Variants in ZDHHC4 observed in about 807,000 individuals in gnomAD.
ZDHHC4 encodes zDHHC palmitoyltransferase 4.
ZDHHC4 carries 42 observed loss-of-function variants against 36.7 expected under a neutral mutation model. The ratio of observed to expected loss-of-function variants is 1.14; its 90% CI spans 0.89 to 1.48. The LOEUF (loss-of-function observed/expected upper bound fraction) is 1.48. Among genes scored for constraint, ZDHHC4 ranks in the 40% most tolerant of loss-of-function variants. ZDHHC4 has a pLI of 0.00. For synonymous variants in ZDHHC4, 189 were observed against 166.6 expected (o/e 1.13, Z -1.03); for missense variants, 457 against 421.5 (o/e 1.08, Z -0.74).
rs1460689212 is a variant in ZDHHC4 at position 6,589,217 on chromosome 7, G to T, written c.*307G>T. The T allele has an allele frequency of 1.6e-5, 6 of 364,192 alleles. No individual in the cohort carries two copies. Among genetic ancestry groups the T allele is most frequent in the Non-Finnish European group, 3.1e-5 (6 of 191,950 alleles). The allele number at this position is 364,192 out of a possible 1,614,324, so 22.6% of individuals were successfully genotyped here. A position where few individuals can be genotyped will look rare whatever the true frequency, so the allele number is the denominator to read the frequency against. ...GTGGACAGGAGGGGCTTGCGGCCGT[G>T]TCTCTGACCTGTGTGATGTGCAGGA... On this transcript the variant is annotated 3_prime_UTR_variant, in exon 8 of 8. Coordinates refer to ENST00000335965, the MANE Select transcript of ZDHHC4 (RefSeq NM_001134389.2).
At chr7:6,584,160 T>C (rs1312524902) in intron 6 of ZDHHC4, 2 of 152,210 alleles carry the variant, frequency 1.3e-5, no homozygotes, top group Non-Finnish European at 2.9e-5. Context: ...ATGTAAAATA[T>C]CATTTTAACA....
intron 2 of ZDHHC4, among the ~76,000 whole-genome samples, chr7:6,579,860 G>C (rs996796886): frequency 6.6e-6 from 1 of 152,126 alleles, no homozygotes; most frequent in African/African-American, 2.4e-5. Context: ...TCTTGGGCAG[G>C]TGCAGTGGCT....
Position 6,583,354 on chromosome 7 carries a change from T to A in ZDHHC4, c.419T>A (p.Phe140Tyr). The A allele has an allele frequency of 6.2e-7, 1 of 1,613,778 alleles. No homozygotes were observed. The highest frequency in any genetic ancestry group is 8.5e-7 in the Non-Finnish European group (1 of 1,179,854). The change falls in exon 6 of 8, where the codon TTT (phenylalanine) becomes TAT (tyrosine). Residue 140 changes from phenylalanine (F) to tyrosine (Y), a missense_variant. Physicochemically the swap from Phe to Tyr is conservative, Grantham distance 22. Coordinates refer to ENST00000335965, the MANE Select transcript of ZDHHC4 (RefSeq NM_001134389.2). ...TTATTATTTCTTCATGTTTATGAATTTGATGAAGTGATGTTTCCAAAGAAC... is the reference window on the plus strand; with the variant it reads ...TTATTATTTCTTCATGTTTATGAATATGATGAAGTGATGTTTCCAAAGAAC... ...NELLFLHVYE[F>Y]DEVMFPKNVR... is the part of the protein sequence containing the mutation.
Position 6,588,598 on chromosome 7 carries a change from A to C in ZDHHC4, c.742-19A>C. 1 of 1,612,172 alleles carries C rather than the reference A, an allele frequency of 6.2e-7. No individual in the cohort carries two copies. The highest frequency in any genetic ancestry group is 8.5e-7 in the Non-Finnish European group (1 of 1,178,878). ...TCACAGTCCAGCTGCCTAAAGCACT[A>C]CCTTTTCTCTGCTCCTAGTACCTGT... On this transcript the variant is annotated intron_variant, in intron 7 of 7. Coordinates refer to ENST00000335965, the MANE Select transcript of ZDHHC4 (RefSeq NM_001134389.2).
At position 6,581,645 on chromosome 7, in the gene ZDHHC4, C is replaced by T. The variant is rs1311411391; in HGVS notation, c.156C>T (p.Ala52=). The T allele has an allele frequency of 1.2e-6, 2 of 1,611,790 alleles. No individual in the cohort carries two copies. The highest frequency in any genetic ancestry group is 1.7e-6 in the Non-Finnish European group (2 of 1,178,194). The part of the protein sequence containing the change: ...SCIIPECLQR[A]VHGLLHYLFH... ...TAATTCCAGAATGTCTTCAGAGAGC[C>T]GTGCATGGATTGCTTCATTACCTTT... Residue 52 remains alanine (A), a synonymous_variant, in exon 4 of 8, where the codon GCC becomes GCT. Transcript: ENST00000335965.
chr7:6,587,282 G>T (rs1181837630), intron 7 of ZDHHC4, among the ~76,000 whole-genome samples: 16 of 151,942 alleles, frequency 1.1e-4, no homozygotes, highest in Non-Finnish European at 1.5e-5. Flanking sequence ...TTTGTTTGTG[G>T]ATCTTTTGGA....
intron 6 of ZDHHC4, chr7:6,584,763 C>T (rs892796629): frequency 6.5e-5 from 33 of 506,330 alleles, no homozygotes; most frequent in Non-Finnish European, 1.1e-4. Context: ...CTCTGAGTAG[C>T]TGGGACCATG....
At chr7:6,577,995 A>G (rs1218497022) in intron 1 of ZDHHC4, among the ~76,000 whole-genome samples, 1 of 151,964 alleles carries the variant, frequency 6.6e-6, no homozygotes, top group Admixed American at 6.6e-5. Context: ...ACGCCCAGCT[A>G]ATTTTTTTTG....
chr7:6,589,130 G>A lies in ZDHHC4; in HGVS notation c.*220G>A, dbSNP rs916506565. 2.0e-5 allele frequency: 11 copies of A among 563,264 alleles called. No homozygotes were observed. The highest frequency in any genetic ancestry group is 6.2e-5 in the Admixed American group (2 of 32,144). The allele number at this position is 563,264 out of a possible 1,614,324, so 34.9% of individuals were successfully genotyped here. ...GAAGTCCTGGTGTCAAGGGGATCAA[G>A]AGATGACTTCTCAGAGGTTCTAGGT... On this transcript the variant is annotated 3_prime_UTR_variant, in exon 8 of 8. Coordinates refer to ENST00000335965, the MANE Select transcript of ZDHHC4 (RefSeq NM_001134389.2).
At chr7:6,578,875 T>A (rs1359758702) in intron 2 of ZDHHC4, 155 bp downstream of exon 2, 1 of 152,224 alleles carries the variant, frequency 6.6e-6, no homozygotes, top group Non-Finnish European at 1.5e-5. Context: ...TTCCGGTATC[T>A]TTTTTGGTTT....
At chr7:6,580,915 C>T (rs1394460560) in intron 3 of ZDHHC4, 1 of 503,882 alleles carries the variant, frequency 2.0e-6, no homozygotes, top group African/African-American at 1.9e-5. Flanking sequence ...GACCCTGTCT[C>T]AACAACAACA....
chr7:6,583,473 A>G, intron 6 of ZDHHC4, 42 bp downstream of exon 6: 1 of 1,582,394 alleles, frequency 6.3e-7, no homozygotes, highest in Non-Finnish European at 8.6e-7. Flanking sequence ...CTCCAACAGC[A>G]CATGTGTGGG....
At chr7:6,583,177 CAAA>C (rs368971592) in intron 5 of ZDHHC4, 126 bp from the exon 6 acceptor site, 128 of 865,858 alleles carry the variant, frequency 1.5e-4, no homozygotes, top group Admixed American at 2.1e-4. Flanking sequence ...AAGACTGTCT[CAAA>C]AAAAAAAAAA....
At position 6,588,834 on chromosome 7, in the gene ZDHHC4, C is replaced by T. The variant is rs1454520409; in HGVS notation, c.959C>T (p.Ser320Phe). The change falls in exon 8 of 8, where the codon TCC becomes TTC. Residue 320 changes from serine to phenylalanine, a missense_variant. Coordinates refer to ENST00000335965, the MANE Select transcript of ZDHHC4 (RefSeq NM_001134389.2). Reference protein sequence around the residue: ...AEPQVHRNIHSHGLRSNLQEI... With the variant: ...AEPQVHRNIHFHGLRSNLQEI... ...CCCCAAGTCCACCGGAACATTCACT[C>T]CCATGGGCTTCGGAGCAACCTTCAA... 5 of 1,614,182 alleles carry T rather than the reference C, an allele frequency of 3.1e-6. No homozygotes were observed. The Admixed American group carries it at 6.7e-5, about 22-fold the overall frequency.
rs1781490248 is a variant in ZDHHC4 at position 6,589,184 on chromosome 7, CT to C, written c.*275del. ...GCTGAGACCTTGGTGTCTCTAAACT[CT>C]GGGCATGTGGACAGGAGGGGCTTGC... On this transcript the variant is annotated 3_prime_UTR_variant, in exon 8 of 8. Transcript: ENST00000335965. 1 of 436,866 alleles carries C rather than the reference CT, an allele frequency of 2.3e-6. No individual in the cohort carries two copies. 27.1% of individuals were successfully genotyped at this position (436,866 alleles called of 1,614,324 possible).
intron 2 of ZDHHC4, among the ~76,000 whole-genome samples, chr7:6,579,112 C>T (rs1780653376): frequency 6.6e-6 from 1 of 151,710 alleles, no homozygotes; most frequent in African/African-American, 2.4e-5. Flanking sequence ...GCACGAGCCA[C>T]TACGGCCGGC....
rs1036673198 is a variant in ZDHHC4, at chr7:6,580,891, G to A, written c.117+213G>A. The A allele has an allele frequency of 8.2e-5, 46 of 561,780 alleles. No individual in the cohort carries two copies. The East Asian group carries it at 1.3e-3, about 16-fold the overall frequency. The allele number at this position is 561,780 out of a possible 1,614,324, so 34.8% of individuals were successfully genotyped here. On this transcript the variant is annotated intron_variant, in intron 3 of 7. Transcript: ENST00000335965. ...TGATCACGCCACTGCACTCCAGCCT[G>A]GACTACAGAGTGAGACCCTGTCTCA...
chr7:6,588,753 G>T lies in ZDHHC4; in HGVS notation c.878G>T (p.Gly293Val). The T allele has an allele frequency of 6.2e-7, 1 of 1,614,198 alleles. No homozygotes were observed. Among genetic ancestry groups the T allele is most frequent in the African/African-American group, 1.3e-5 (1 of 75,038 alleles). The change falls in exon 8 of 8, where the codon GGT becomes GTT. Residue 293 changes from glycine to valine, a missense_variant. Coordinates refer to ENST00000335965, the MANE Select transcript of ZDHHC4 (RefSeq NM_001134389.2). ...CAGACTACTAACGAGTGGTACAGAG[G>T]TGACTGGGCCTGGTGCCAGCGTTGT... ...TNQTTNEWYR[G>V]DWAWCQRCPL...
Position 6,580,682 on chromosome 7 carries a change from A to G in ZDHHC4, c.117+4A>G, listed in dbSNP as rs370849333. On this transcript the variant is annotated splice_donor_region_variant and intron_variant, in intron 3 of 7. Coordinates refer to ENST00000335965, the MANE Select transcript of ZDHHC4 (RefSeq NM_001134389.2). Reference sequence around the variant, plus strand: ...CCTGGCCAGGGGAGGAGCACAGGTAAGGATGATCCTTGGATGGCACTGGAA... The same window carrying G: ...CCTGGCCAGGGGAGGAGCACAGGTAGGGATGATCCTTGGATGGCACTGGAA... 4.2e-5 allele frequency: 67 copies of G among 1,611,626 alleles called. No individual in the cohort carries two copies. The highest frequency in any genetic ancestry group is 4.3e-5 in the Non-Finnish European group (51 of 1,177,842).
Sources: allele counts gnomAD v4.1 joint callset (sites outside exome capture counted in the v4.1 genomes callset), GRCh38; gene constraint gnomAD v4.1.1; transcripts MANE v1.5; gene names NCBI Gene and HGNC (gene_info 2026-07-23, HGNC 2026-07-21).